The following CDKAL1 variants were observed in gnomAD, a reference collection of about 807,000 sequenced individuals.
CDKAL1 encodes CDKAL1 threonylcarbamoyladenosine tRNA methylthiotransferase, also known as threonylcarbamoyladenosine tRNA methylthiotransferase.
CDKAL1 carries 32 observed loss-of-function variants against 68.2 expected under a neutral mutation model. The ratio of observed to expected loss-of-function variants is 0.47; its 90% CI spans 0.35 to 0.63. CDKAL1 has a LOEUF of 0.63. Ranked by LOEUF, CDKAL1 falls within the 30% of genes least tolerant of loss-of-function variation. The pLI, the probability that CDKAL1 is intolerant of heterozygous loss-of-function variation, is 0.00. For synonymous variants in CDKAL1, 234 were observed against 244.3 expected, an observed-to-expected ratio of 0.96 and a Z score of 0.39; for missense variants, 606 against 696.7, an observed-to-expected ratio of 0.87 and a Z score of 1.47.
chr6:21,048,836 A>G (rs78593352), intron 11 of CDKAL1, among the ~76,000 whole-genome samples: 4,045 of 152,122 alleles, frequency 0.027, 87 homozygotes, highest in Middle Eastern at 0.044. Context: ...GTTTAATTTT[A>G]AAAGATTTAA....
chr6:20,634,566 C>T (rs1470819883), intron 4 of CDKAL1, among the ~76,000 whole-genome samples: 1 of 152,090 alleles, frequency 6.6e-6, no homozygotes, highest in Non-Finnish European at 1.5e-5. Flanking sequence ...ATGGCTTATA[C>T]AAGAGTGGTG....
intron 9 of CDKAL1, among the ~76,000 whole-genome samples, chr6:20,901,696 A>AG (rs1206148912): frequency 3.6e-5 from 5 of 138,250 alleles, no homozygotes; most frequent in East Asian, 2.2e-4. Flanking sequence ...AAAAAAAAAA[A>AG]AAAAAAAGAA....
chr6:20,852,434 G>T (rs1382267972), intron 9 of CDKAL1, among the ~76,000 whole-genome samples: 2 of 152,092 alleles, frequency 1.3e-5, no homozygotes, highest in African/African-American at 4.8e-5. Flanking sequence ...AGAAATTGAA[G>T]ATATATTTTC....
At chr6:20,861,540 T>C (rs1382442089) in intron 9 of CDKAL1, among the ~76,000 whole-genome samples, 1 of 152,272 alleles carries the variant, frequency 6.6e-6, no homozygotes, top group Non-Finnish European at 1.5e-5. Context: ...AAGCAACAAT[T>C]CCTGTTTCCT....
At chr6:20,967,086 T>C (rs1376860119) in intron 10 of CDKAL1, among the ~76,000 whole-genome samples, 1 of 152,160 alleles carries the variant, frequency 6.6e-6, no homozygotes, top group Non-Finnish European at 1.5e-5. Flanking sequence ...CACTCCAATT[T>C]TTGTCTCAGT....
At chr6:21,051,305 T>C (rs1770524080) in intron 11 of CDKAL1, among the ~76,000 whole-genome samples, 2 of 152,122 alleles carry the variant, frequency 1.3e-5, no homozygotes, top group Admixed American at 1.3e-4. Context: ...ACCCAAGAGA[T>C]AGAGGCTGCA....
intron 13 of CDKAL1, among the ~76,000 whole-genome samples, chr6:21,174,718 T>C (rs1777513517): frequency 7.2e-6 from 1 of 139,010 alleles, no homozygotes. Context: ...TAAGGCCATT[T>C]TGGAGGGCAA....
intron 4 of CDKAL1, among the ~76,000 whole-genome samples, chr6:20,636,020 C>G (rs532497407): frequency 1.3e-5 from 2 of 152,126 alleles, no homozygotes; most frequent in South Asian, 2.1e-4. Flanking sequence ...CTTCTGTGTC[C>G]CCTCGTCTTC....
At chr6:21,102,401 C>T (rs900747828) in intron 12 of CDKAL1, among the ~76,000 whole-genome samples, 5 of 152,146 alleles carry the variant, frequency 3.3e-5, no homozygotes, top group Admixed American at 6.6e-5. Flanking sequence ...GCCTTAGCGT[C>T]GTCCACATCC....
intron 9 of CDKAL1, among the ~76,000 whole-genome samples, chr6:20,847,242 C>G (rs1778408167): frequency 6.6e-6 from 1 of 152,188 alleles, no homozygotes. Context: ...TTTACTGACT[C>G]TTGCTAGCAT....
intron 9 of CDKAL1, among the ~76,000 whole-genome samples, chr6:20,886,571 T>A (rs1022647372): frequency 6.6e-6 from 1 of 152,238 alleles, no homozygotes; most frequent in Non-Finnish European, 1.5e-5. Flanking sequence ...AATGGAATGA[T>A]GTTCGGATAT....
Position 20,540,568 on chromosome 6 carries a change from G to C in CDKAL1, c.-6+5174G>C, listed in dbSNP as rs117511125. The stretch of plus-strand genomic sequence containing the variant: ...CCTCCTGGGTTCAAGCGGTTCTTCT[G>C]TTTCAGTCTCCCGAGTAGGTGGGAT... On this transcript the variant is annotated intron_variant, in intron 2 of 15. Transcript: ENST00000274695. 3.3e-4 allele frequency among the ~76,000 whole-genome samples: 50 copies of C among 151,708 alleles called. No homozygotes were observed. In the East Asian group the frequency reaches 9.6e-3, roughly 29 times the overall value.
intron 13 of CDKAL1, among the ~76,000 whole-genome samples, chr6:21,157,721 A>C (rs751008545): frequency 2.0e-5 from 3 of 152,226 alleles, no homozygotes; most frequent in Non-Finnish European, 2.9e-5. Flanking sequence ...GCCTTACTGA[A>C]ACAAAACAGT....
At chr6:21,155,014 A>G (rs1178475595) in intron 13 of CDKAL1, among the ~76,000 whole-genome samples, 1 of 142,694 alleles carries the variant, frequency 7.0e-6, no homozygotes, top group Admixed American at 7.0e-5. Flanking sequence ...AAAAAAAAAT[A>G]CAAGAGTGAT....
At chr6:20,884,489 A>G (rs879717985) in intron 9 of CDKAL1, among the ~76,000 whole-genome samples, 1 of 152,320 alleles carries the variant, frequency 6.6e-6, no homozygotes, top group South Asian at 2.1e-4. Context: ...TCAACGTTGT[A>G]CTCGAATTCC....
At chr6:20,826,516 A>C (rs765147804) in intron 8 of CDKAL1, among the ~76,000 whole-genome samples, 5 of 152,132 alleles carry the variant, frequency 3.3e-5, no homozygotes, top group Non-Finnish European at 7.4e-5. Flanking sequence ...TTTAAATGGC[A>C]CACGAGTGTC....
intron 9 of CDKAL1, among the ~76,000 whole-genome samples, chr6:20,908,981 A>C (rs1435385672): frequency 6.6e-6 from 1 of 152,122 alleles, no homozygotes; most frequent in African/African-American, 2.4e-5. Flanking sequence ...CAGACATTAG[A>C]TCTGTTTCAA....
chr6:20,545,653 C>A (rs1056318688), intron 2 of CDKAL1, among the ~76,000 whole-genome samples: 1 of 152,132 alleles, frequency 6.6e-6, no homozygotes, highest in African/African-American at 2.4e-5. Context: ...CCAGGCTGGT[C>A]TCAAACGCCT....
At chr6:20,782,904 AT>A (rs1775491079) in intron 8 of CDKAL1, among the ~76,000 whole-genome samples, 1 of 152,134 alleles carries the variant, frequency 6.6e-6, no homozygotes, top group Non-Finnish European at 1.5e-5. Flanking sequence ...TTGCTGGCTA[AT>A]CACACTTTCT....
Sources: gnomAD v4.1 joint callset for allele counts (sites outside exome capture counted in the v4.1 genomes callset) on GRCh38, gnomAD v4.1.1 for gene constraint, MANE v1.5 for transcripts, NCBI Gene and HGNC (gene_info 2026-07-23, HGNC 2026-07-21) for gene names.